The following NOL4L variants were observed in gnomAD, a reference collection of about 807,000 sequenced individuals.
NOL4L encodes the protein nucleolar protein 4-like.
A neutral mutation model predicts 64.5 loss-of-function variants in NOL4L; 7 were observed. That is an observed-to-expected ratio of 0.11 (90% CI 0.06 to 0.20). The LOEUF (loss-of-function observed/expected upper bound fraction) is 0.20. NOL4L is among the 10% of genes least tolerant of loss of function. The pLI, the probability that NOL4L is intolerant of heterozygous loss-of-function variation, is 1.00. For missense variants in NOL4L, 680 were observed against 967.1 expected, an observed-to-expected ratio of 0.70 and a Z score of 3.94; for synonymous variants, 413 against 401.0, an observed-to-expected ratio of 1.03 and a Z score of -0.36.
At chr20:32,466,075 C>A (rs2145461713) in intron 5 of NOL4L, among the ~76,000 whole-genome samples, 1 of 150,038 alleles carries the variant, frequency 6.7e-6, no homozygotes, top group South Asian at 2.1e-4. Context: ...TCAAGCGATT[C>A]TCCTGCCTTA....
At chr20:32,548,687 C>T in intron 1 of NOL4L, 1 of 323,974 alleles carries the variant, frequency 3.1e-6, no homozygotes, top group Non-Finnish European at 6.2e-6. Context: ...CAGTCTGTAT[C>T]ATCTCCAAAA....
intron 4 of NOL4L, among the ~76,000 whole-genome samples, chr20:32,479,501 G>A (rs976992084): frequency 6.6e-6 from 1 of 152,210 alleles, no homozygotes; most frequent in Non-Finnish European, 1.5e-5. Flanking sequence ...GGAGGCTGAG[G>A]TGAATGAATT....
chr20:32,455,354 T>C (rs2013384588), intron 6 of NOL4L, among the ~76,000 whole-genome samples: 1 of 152,224 alleles, frequency 6.6e-6, no homozygotes, highest in South Asian at 2.1e-4. Flanking sequence ...AACTCAGCAC[T>C]GAGCCCATGG....
chr20:32,542,907 G>A (rs1181296), intron 1 of NOL4L, among the ~76,000 whole-genome samples: 152,260 of 152,260 alleles, frequency 1, 76,130 homozygotes, highest in Non-Finnish European at 1. Flanking sequence ...CCTCTTTAAA[G>A]TGGGGCTTTT....
chr20:32,528,449 C>A (rs2145582248), intron 1 of NOL4L, among the ~76,000 whole-genome samples: 1 of 152,292 alleles, frequency 6.6e-6, no homozygotes, highest in South Asian at 2.1e-4. Context: ...CAGCTGAGCG[C>A]CAGCAACGGC....
chr20:32,455,863 C>CA (rs1259451923), intron 6 of NOL4L, among the ~76,000 whole-genome samples: 5 of 152,320 alleles, frequency 3.3e-5, no homozygotes, highest in African/African-American at 1.2e-4. Context: ...CACCTACCAC[C>CA]TCTACCAAGG....
At chr20:32,513,584 C>A (rs548842017) in intron 3 of NOL4L, among the ~76,000 whole-genome samples, 1 of 152,110 alleles carries the variant, frequency 6.6e-6, no homozygotes. Context: ...ACGATTAAGC[C>A]GGGCACGGTG....
chr20:32,477,469 G>A (rs989153060), intron 4 of NOL4L, among the ~76,000 whole-genome samples: 6 of 152,210 alleles, frequency 3.9e-5, no homozygotes, highest in African/African-American at 1.4e-4. Context: ...CTGTCTTGTG[G>A]GTCTCTGCCC....
At chr20:32,536,358 C>A (rs1031104648) in intron 1 of NOL4L, 2 of 979,618 alleles carry the variant, frequency 2.0e-6, no homozygotes, top group Non-Finnish European at 2.4e-6. Context: ...CAGGTGCGGG[C>A]CCCACCCAGG....
intron 1 of NOL4L, among the ~76,000 whole-genome samples, chr20:32,572,908 A>C (rs1200578755): frequency 6.6e-6 from 1 of 152,096 alleles, no homozygotes; most frequent in Non-Finnish European, 1.5e-5. Flanking sequence ...GTAAGGTCTC[A>C]CTGCCACTGG....
chr20:32,505,857 G>A (rs983252434), intron 4 of NOL4L, among the ~76,000 whole-genome samples: 1 of 152,188 alleles, frequency 6.6e-6, no homozygotes, highest in African/African-American at 2.4e-5. Context: ...CAGAGAGAAA[G>A]CAGAATAGAG....
At chr20:32,498,014 T>C (rs1476219480) in intron 4 of NOL4L, among the ~76,000 whole-genome samples, 3 of 152,212 alleles carry the variant, frequency 2.0e-5, no homozygotes, top group Non-Finnish European at 4.4e-5. Context: ...TTCCCCCAGA[T>C]AATAAAGTTG....
chr20:32,562,258 G>A (rs927255421), intron 1 of NOL4L, among the ~76,000 whole-genome samples: 4 of 152,030 alleles, frequency 2.6e-5, no homozygotes, highest in Admixed American at 6.6e-5. Context: ...CCCCCCACCC[G>A]CCCATCAGGC....
At chr20:32,493,027 T>C (rs1252604740) in intron 4 of NOL4L, among the ~76,000 whole-genome samples, 1 of 152,172 alleles carries the variant, frequency 6.6e-6, no homozygotes, top group Non-Finnish European at 1.5e-5. Flanking sequence ...CAGCCAGAGA[T>C]TTCCCTTGGG....
At chr20:32,509,351 CTACAAAAAA>C (rs1170763444) in intron 4 of NOL4L, among the ~76,000 whole-genome samples, 1 of 151,788 alleles carries the variant, frequency 6.6e-6, no homozygotes, top group African/African-American at 2.4e-5. Context: ...AACCCTGTCT[CTACAAAAAA>C]TACAAAAAAT....
At chr20:32,550,445 A>G (rs1390634795) in intron 1 of NOL4L, among the ~76,000 whole-genome samples, 2 of 152,240 alleles carry the variant, frequency 1.3e-5, no homozygotes, top group African/African-American at 4.8e-5. Context: ...GGTACAGTAA[A>G]CAATAATACA....
chr20:32,457,826 G>A (rs961431150), intron 5 of NOL4L, among the ~76,000 whole-genome samples: 27 of 152,178 alleles, frequency 1.8e-4, no homozygotes, highest in Non-Finnish European at 3.5e-4. Context: ...CTGCATCCTC[G>A]GAGTCCCGGC....
rs1337636263 is a variant in NOL4L, at chr20:32,584,863, C to G, written c.28G>C (p.Gly10Arg). 2 of 1,414,748 alleles carry G rather than the reference C, an allele frequency of 1.4e-6. No homozygotes were observed. Among genetic ancestry groups the G allele is most frequent in the Non-Finnish European group, 1.9e-6 (2 of 1,075,652 alleles). The allele number at this position is 1,414,748 out of a possible 1,614,324, so 87.6% of individuals were successfully genotyped here. Residue 10 changes from glycine (G) to arginine (R), a missense_variant, in exon 1 of 11, where the codon GGG becomes CGG. Physicochemically the swap from Gly to Arg is moderately radical, Grantham distance 125. Around this residue, in one of 4 missense-constraint regions of NOL4L, gnomAD observed 181 missense variants for 335.2 expected, o/e 0.54. Coordinates refer to ENST00000621426, the MANE Select transcript of NOL4L (RefSeq NM_001256798.2). MPKPTLLLR[G>R]GWERERSPGD... ...GGGCTGCGCTCGCGCTCCCAGCCCCCGCGCAGCAGCAGCGTCGGCTTCGGC... is the reference window on the plus strand; with the variant it reads ...GGGCTGCGCTCGCGCTCCCAGCCCCGGCGCAGCAGCAGCGTCGGCTTCGGC...
chr20:32,455,594 A>AG (rs1256043705), intron 6 of NOL4L, among the ~76,000 whole-genome samples: 2 of 152,166 alleles, frequency 1.3e-5, no homozygotes, highest in African/African-American at 2.4e-5. Flanking sequence ...CCCAGGAAGC[A>AG]GGGGGGATGC....
Sources: gnomAD v4.1 joint callset for allele counts (sites outside exome capture counted in the v4.1 genomes callset) on GRCh38, gnomAD v4.1.1 for gene constraint, gnomAD v4.1.1 regional missense constraint, MANE v1.5 for transcripts, NCBI Gene and HGNC (gene_info 2026-07-23, HGNC 2026-07-21) for gene names.